The following PRH1 variants were observed in gnomAD, a reference collection of about 807,000 sequenced individuals.
The protein encoded by PRH1 is proline rich protein HaeIII subfamily 1.
In PRH1, 7 loss-of-function variants were observed where a neutral mutation model predicts 7.9. The ratio of observed to expected loss-of-function variants is 0.89; its 90% confidence interval spans 0.50 to 1.67. The LOEUF (loss-of-function observed/expected upper bound fraction) is 1.67, where lower values mean the gene tolerates loss of function less well. PRH1 is among the 40% of genes most tolerant of loss of function. The probability of loss-of-function intolerance (pLI) is 0.00; values close to 1 mark genes in which losing one functional copy is unlikely to be tolerated. For missense variants in PRH1, 109 were observed against 223.6 expected (o/e 0.49, Z 3.27); for synonymous variants, 45 against 80.8 (o/e 0.56, Z 2.38).
At chr12:11,063,644 T>G (rs1943700142) in intron 1 of PRH1, among the ~76,000 whole-genome samples, 1 of 152,074 alleles carries the variant, frequency 6.6e-6, no homozygotes, top group Non-Finnish European at 1.5e-5. Context: ...ATAAATCAAC[T>G]CTGCTAAACC....
chr12:10,928,509 G>A (rs780151685), intron 2 of PRH1, among the ~76,000 whole-genome samples: 37 of 152,180 alleles, frequency 2.4e-4, no homozygotes, highest in Admixed American at 1.4e-3. Flanking sequence ...GGTGGTTTCT[G>A]TGTTCAGTTT....
chr12:11,008,263 C>T (rs926037975), intron 1 of PRH1, among the ~76,000 whole-genome samples: 8 of 151,788 alleles, frequency 5.3e-5, no homozygotes, highest in Admixed American at 1.3e-4. Context: ...CCCCTTAGTA[C>T]GTAATGAGAA....
chr12:10,959,048 G>C (rs181499472), intron 2 of PRH1, among the ~76,000 whole-genome samples: 1 of 152,166 alleles, frequency 6.6e-6, no homozygotes, highest in Non-Finnish European at 1.5e-5. Flanking sequence ...CAGCAGTTTA[G>C]ACTAGTATGG....
At chr12:10,926,511 G>A (rs1049304029) in intron 2 of PRH1, among the ~76,000 whole-genome samples, 2 of 152,166 alleles carry the variant, frequency 1.3e-5, no homozygotes, top group African/African-American at 4.8e-5. Flanking sequence ...AAAACAAGGG[G>A]TTTGAAGCAC....
intron 1 of PRH1, among the ~76,000 whole-genome samples, chr12:11,068,194 T>C (rs748993528): frequency 2.6e-5 from 4 of 152,214 alleles, no homozygotes; most frequent in Admixed American, 6.5e-5. Context: ...CTTGCTGATA[T>C]TTCCCGTTTA....
upstream of PRH1, among the ~76,000 whole-genome samples, chr12:10,887,253 C>T (rs1180680916): frequency 6.6e-6 from 1 of 152,138 alleles, no homozygotes; most frequent in African/African-American, 2.4e-5. Flanking sequence ...GAATAAACTT[C>T]TCTGAGAGTC....
At chr12:11,132,449 A>G (rs986966436) in intron 1 of PRH1, among the ~76,000 whole-genome samples, 1 of 152,072 alleles carries the variant, frequency 6.6e-6, no homozygotes, top group Admixed American at 6.6e-5. Flanking sequence ...GAAGTGCTTT[A>G]GAAAAAATAC....
intron 1 of PRH1, among the ~76,000 whole-genome samples, chr12:11,096,783 TTTTTG>T: frequency 8.9e-6 from 1 of 112,464 alleles, no homozygotes; most frequent in African/African-American, 3.0e-5. Context: ...TTTTATGCGG[TTTTTG>T]TTTTTTTTGT....
chr12:11,091,452 C>A, intron 1 of PRH1: 1 of 1,263,260 alleles, frequency 7.9e-7, no homozygotes, highest in Non-Finnish European at 1.1e-6. Flanking sequence ...AACATGAAGA[C>A]AGGTTTGTTT....
At chr12:11,031,346 A>T in intron 1 of PRH1, 2 of 1,608,850 alleles carry the variant, frequency 1.2e-6, no homozygotes, top group Non-Finnish European at 1.7e-6. Context: ...GTCTGAACAG[A>T]CAAAAAAAAA....
intron 1 of PRH1, among the ~76,000 whole-genome samples, chr12:11,012,600 T>C (rs1370931655): frequency 6.6e-6 from 1 of 152,170 alleles, no homozygotes; most frequent in Non-Finnish European, 1.5e-5. Flanking sequence ...GATGTTGCTC[T>C]GTCGCCTAGG....
At chr12:10,905,296 C>T (rs1949787406) in intron 2 of PRH1, among the ~76,000 whole-genome samples, 1 of 151,592 alleles carries the variant, frequency 6.6e-6, no homozygotes, top group Non-Finnish European at 1.5e-5. Flanking sequence ...ACCAGAAAGA[C>T]ACATGTACTC....
At chr12:10,998,761 T>C (rs1181815495) in intron 1 of PRH1, among the ~76,000 whole-genome samples, 1 of 152,140 alleles carries the variant, frequency 6.6e-6, no homozygotes, top group African/African-American at 2.4e-5. Flanking sequence ...GTACCAGACC[T>C]TTGTCACATA....
chr12:10,951,344 G>A (rs561768466), intron 2 of PRH1, among the ~76,000 whole-genome samples: 1 of 152,082 alleles, frequency 6.6e-6, no homozygotes, highest in Non-Finnish European at 1.5e-5. Context: ...CTAAATTTCT[G>A]AAGGAAGCTT....
intron 2 of PRH1, among the ~76,000 whole-genome samples, chr12:10,916,593 G>C (rs1949975585): frequency 6.6e-6 from 1 of 151,906 alleles, no homozygotes; most frequent in Non-Finnish European, 1.5e-5. Flanking sequence ...TTGGTGGAAG[G>C]AATGGGCTCT....
intron 2 of PRH1, among the ~76,000 whole-genome samples, chr12:10,943,070 C>T (rs80295770): frequency 0.012 from 1,880 of 152,314 alleles, 89 homozygotes; most frequent in East Asian, 0.082. Flanking sequence ...CCAGGTTCTG[C>T]AGGAGCAGCC....
At chr12:11,072,198 G>C (rs1944103443) in intron 1 of PRH1, among the ~76,000 whole-genome samples, 1 of 152,102 alleles carries the variant, frequency 6.6e-6, no homozygotes, top group Middle Eastern at 3.2e-3. Context: ...TGTAGCCCAG[G>C]GTGGTCTGGA....
intron 1 of PRH1, among the ~76,000 whole-genome samples, chr12:11,121,714 G>A (rs2597938): frequency 0.46 from 68,912 of 148,290 alleles, 16,425 homozygotes; most frequent in Non-Finnish European, 0.53. Flanking sequence ...TTTACTCTAC[G>A]TATGTTTGTC....
chr12:10,940,598 A>G (rs927294665), intron 2 of PRH1, among the ~76,000 whole-genome samples: 1 of 152,068 alleles, frequency 6.6e-6, no homozygotes, highest in South Asian at 2.1e-4. Context: ...TTTTTCACAT[A>G]TACTCACTCT....
Sources: allele counts gnomAD v4.1 joint callset (sites outside exome capture counted in the v4.1 genomes callset), GRCh38; gene constraint gnomAD v4.1.1; transcripts MANE v1.5; gene names NCBI Gene and HGNC (gene_info 2026-07-23, HGNC 2026-07-21).